RUFY3: variants seen among roughly 807,000 people sequenced by gnomAD.
RUFY3 encodes protein RUFY3.
Under a neutral mutation model 84.0 loss-of-function variants are expected in RUFY3, and 34 were observed. The observed-to-expected ratio is 0.40, with a 90% CI of 0.31 to 0.54. The LOEUF (loss-of-function observed/expected upper bound fraction) is 0.54, where lower values mean the gene tolerates loss of function less well. Ranked by LOEUF, RUFY3 falls within the 20% of genes least tolerant of loss-of-function variation. The pLI is 0.39. For synonymous variants in RUFY3, 242 were observed against 252.9 expected, an observed-to-expected ratio of 0.96 and a Z score of 0.41; for missense variants, 507 against 736.8, an observed-to-expected ratio of 0.69 and a Z score of 3.61.
At chr4:70,794,013 A>G in intron 13 of RUFY3, 109 bp downstream of exon 13, 4 of 1,195,570 alleles carry the variant, frequency 3.3e-6, no homozygotes, top group Admixed American at 5.5e-5. Context: ...TGTCTTTGCA[A>G]TGTCCTTTCT....
At chr4:70,733,807 G>A (rs1719848561) in intron 1 of RUFY3, among the ~76,000 whole-genome samples, 1 of 151,992 alleles carries the variant, frequency 6.6e-6, no homozygotes, top group Non-Finnish European at 1.5e-5. Context: ...GATTATCTCT[G>A]GATAGTGGAA....
rs192942823 is a variant in RUFY3, at chr4:70,778,503, T to C, written c.894+65T>C. 8 of 860,980 alleles carry C rather than the reference T, an allele frequency of 9.3e-6. No individual in the cohort carries two copies. In the East Asian group the frequency reaches 2.0e-4, roughly 21 times the overall value. The allele number at this position is 860,980 out of a possible 1,614,324, so 53.3% of individuals were successfully genotyped here. A position where few individuals can be genotyped will look rare whatever the true frequency, so the allele number is the denominator to read the frequency against. On this transcript the variant is annotated intron_variant, in intron 8 of 17. Coordinates refer to ENST00000381006, the MANE Select transcript of RUFY3 (RefSeq NM_001037442.4). ...ATATGCATTAGTAGAACCAATAATT[T>C]TAATGTAACCTTGGAAAGAAAGAAC...
intron 13 of RUFY3, 137 bp downstream of exon 13, chr4:70,794,041 A>G: frequency 1.1e-6 from 1 of 945,486 alleles, no homozygotes; most frequent in Non-Finnish European, 1.5e-6. Flanking sequence ...TGGAATTCAG[A>G]AAGCTTCACG....
At chr4:70,750,444 T>C (rs969643913) in intron 1 of RUFY3, among the ~76,000 whole-genome samples, 4 of 152,236 alleles carry the variant, frequency 2.6e-5, no homozygotes, top group Non-Finnish European at 4.4e-5. Flanking sequence ...CTTTTTATAG[T>C]TGGTTTATTT....
intron 1 of RUFY3, among the ~76,000 whole-genome samples, chr4:70,736,235 A>G (rs1720270512): frequency 6.6e-6 from 1 of 152,142 alleles, no homozygotes; most frequent in Admixed American, 6.5e-5. Context: ...AATGAAAACA[A>G]CTTTAGTTAT....
chr4:70,709,022 T>A (rs896680472), intron 1 of RUFY3, among the ~76,000 whole-genome samples: 2 of 152,224 alleles, frequency 1.3e-5, no homozygotes, highest in African/African-American at 2.4e-5. Flanking sequence ...CACACCACTG[T>A]ATTCCAGTCA....
intron 1 of RUFY3, among the ~76,000 whole-genome samples, chr4:70,743,764 C>G (rs1031040858): frequency 2.6e-5 from 4 of 151,888 alleles, no homozygotes; most frequent in African/African-American, 9.7e-5. Flanking sequence ...TGATCAAGAT[C>G]CTCTTTACAG....
intron 1 of RUFY3, among the ~76,000 whole-genome samples, chr4:70,724,485 T>C (rs1206889971): frequency 1.3e-5 from 2 of 152,246 alleles, no homozygotes; most frequent in Admixed American, 1.3e-4. Flanking sequence ...GTAAGCGTTT[T>C]TAGCAGCGCC....
intron 1 of RUFY3, among the ~76,000 whole-genome samples, chr4:70,716,022 G>A (rs1433130555): frequency 6.6e-6 from 1 of 151,648 alleles, no homozygotes; most frequent in African/African-American, 2.4e-5. Context: ...GCTGAGGCAG[G>A]AGAATCACTT....
At chr4:70,776,478 A>G (rs1727984374) in intron 7 of RUFY3, among the ~76,000 whole-genome samples, 1 of 152,178 alleles carries the variant, frequency 6.6e-6, no homozygotes, top group Non-Finnish European at 1.5e-5. Flanking sequence ...TTAAAGTTTA[A>G]TTAAAAATTA....
chr4:70,800,208 G>A lies in RUFY3; in HGVS notation c.1622+3G>A, dbSNP rs771515191. The A allele has an allele frequency of 5.0e-6, 8 of 1,598,464 alleles. No individual in the cohort carries two copies. Among genetic ancestry groups the A allele is most frequent in the Non-Finnish European group, 6.8e-6 (8 of 1,175,150 alleles). ...AAGCCCCTGGAAGAAAGCCACAGGTGTTTGTTAATCAAGTATTAACTAAGA... is the reference window on the plus strand; with the variant it reads ...AAGCCCCTGGAAGAAAGCCACAGGTATTTGTTAATCAAGTATTAACTAAGA... On this transcript the variant is annotated splice_donor_region_variant and intron_variant, in intron 15 of 17. Transcript: ENST00000381006.
At chr4:70,785,829 C>T in intron 10 of RUFY3, among the ~76,000 whole-genome samples, 1 of 152,062 alleles carries the variant, frequency 6.6e-6, no homozygotes, top group Non-Finnish European at 1.5e-5. Context: ...GAGCCAGACT[C>T]CGTCTCAAAA....
intron 1 of RUFY3, among the ~76,000 whole-genome samples, chr4:70,724,851 G>A (rs1717956528): frequency 6.6e-6 from 1 of 152,174 alleles, no homozygotes; most frequent in African/African-American, 2.4e-5. Context: ...CCACTTTTAT[G>A]TTAATACCAC....
At chr4:70,767,453 T>G (rs1020660895) in intron 4 of RUFY3, among the ~76,000 whole-genome samples, 8 of 151,874 alleles carry the variant, frequency 5.3e-5, no homozygotes, top group Non-Finnish European at 1.5e-5. Context: ...CATTGTCCAT[T>G]CATTTACTGA....
intron 17 of RUFY3, 26 bp from the exon 18 acceptor site, chr4:70,806,490 C>A: frequency 1.9e-6 from 3 of 1,612,368 alleles, no homozygotes; most frequent in Non-Finnish European, 2.5e-6. Flanking sequence ...ATCTTCTATT[C>A]CCCGCCTAAC....
At chr4:70,719,155 C>G (rs1379564548), upstream of RUFY3, among the ~76,000 whole-genome samples, 2 of 152,164 alleles carry the variant, frequency 1.3e-5, no homozygotes, top group Non-Finnish European at 2.9e-5. Context: ...TTTTTCTTGC[C>G]CACCCCCGGG....
chr4:70,792,157 C>T (rs1730930520), intron 12 of RUFY3: 8 of 984,248 alleles, frequency 8.1e-6, no homozygotes, highest in South Asian at 4.7e-5. Context: ...ACCCATTTTT[C>T]GTATCCTGCT....
At chr4:70,720,966 A>G (rs1742210211), upstream of RUFY3, among the ~76,000 whole-genome samples, 1 of 150,720 alleles carries the variant, frequency 6.6e-6, no homozygotes, top group Admixed American at 6.7e-5. Context: ...TCAGTATCTT[A>G]TCGAATGGGA....
At chr4:70,792,749 A>AT (rs1731014413) in intron 12 of RUFY3, 1 of 985,264 alleles carries the variant, frequency 1.0e-6, no homozygotes, top group Non-Finnish European at 1.2e-6. Flanking sequence ...GTGTGCTTAT[A>AT]TAGGTCCCTG....
Sources: allele counts gnomAD v4.1 joint callset (sites outside exome capture counted in the v4.1 genomes callset), GRCh38; gene constraint gnomAD v4.1.1; transcripts MANE v1.5; gene names NCBI Gene and HGNC (gene_info 2026-07-23, HGNC 2026-07-21).